The following AKNAD1 variants were observed in gnomAD, a reference collection of about 807,000 sequenced individuals.
The protein encoded by AKNAD1 is protein AKNAD1.
AKNAD1 carries 67 observed loss-of-function variants against 90.8 expected under a neutral mutation model. The ratio of observed to expected loss-of-function variants is 0.74; its 90% CI spans 0.61 to 0.90. AKNAD1 has a LOEUF of 0.90. Among genes scored for constraint, AKNAD1 ranks in the 40% least tolerant of loss-of-function variants. The pLI is 0.00. For synonymous variants in AKNAD1, 327 were observed against 341.4 expected (o/e 0.96, Z 0.46); for missense variants, 957 against 975.4 (o/e 0.98, Z 0.25).
chr1:108,851,711 C>T lies in AKNAD1; in HGVS notation c.954G>A (p.Glu318=). 6.2e-7 allele frequency: 1 copy of T among 1,602,532 alleles called. No individual in the cohort carries two copies. Among genetic ancestry groups the T allele is most frequent in the Non-Finnish European group, 8.5e-7 (1 of 1,176,434 alleles). Reference sequence around the variant, plus strand: ...AAGGTTCAGTGATTTTCCCTTTCTGCTCTTGATGTTGTTTTTCAACACAGT... The same window carrying T: ...AAGGTTCAGTGATTTTCCCTTTCTGTTCTTGATGTTGTTTTTCAACACAGT... ...ESNCVEKQHQ[E]QKGKITEPSQ... Residue 318 remains glutamate, a synonymous_variant, in exon 2 of 16, where the codon GAG becomes GAA. Coordinates refer to ENST00000370001, the MANE Select transcript of AKNAD1 (RefSeq NM_152763.5).
chr1:108,828,231 C>T (rs1664074430), intron 10 of AKNAD1, among the ~76,000 whole-genome samples: 1 of 151,692 alleles, frequency 6.6e-6, no homozygotes, highest in Admixed American at 6.6e-5. Context: ...TGGGCTTTGC[C>T]GGGTGTCTGT....
chr1:108,818,190 G>A (rs549426295), intron 14 of AKNAD1, among the ~76,000 whole-genome samples: 1 of 152,172 alleles, frequency 6.6e-6, no homozygotes, highest in South Asian at 2.1e-4. Context: ...TGTTGACTGA[G>A]CAGTCATAGA....
At chr1:108,845,507 C>G (rs1405893692) in intron 5 of AKNAD1, among the ~76,000 whole-genome samples, 1 of 152,234 alleles carries the variant, frequency 6.6e-6, no homozygotes. Flanking sequence ...GAGCTCCCCA[C>G]GGGTCCTTCC....
At chr1:108,844,832 A>G (rs371658377) in intron 5 of AKNAD1, among the ~76,000 whole-genome samples, 1 of 122,456 alleles carries the variant, frequency 8.2e-6, no homozygotes, top group African/African-American at 3.7e-5. Flanking sequence ...TTTTTTTTTT[A>G]ATTTAAGACA....
At chr1:108,822,349 G>A (rs1663842420) in intron 13 of AKNAD1, among the ~76,000 whole-genome samples, 1 of 152,186 alleles carries the variant, frequency 6.6e-6, no homozygotes, top group African/African-American at 2.4e-5. Flanking sequence ...GTTAGCTAAT[G>A]GAGTTCAAGA....
intron 7 of AKNAD1, chr1:108,837,323 T>C (rs953714352): frequency 3.1e-5 from 14 of 453,880 alleles, no homozygotes; most frequent in South Asian, 5.4e-5. Context: ...TTAAACAGCA[T>C]TGTTACATCC....
intron 5 of AKNAD1, among the ~76,000 whole-genome samples, chr1:108,845,861 T>C (rs545304990): frequency 2.6e-5 from 4 of 152,092 alleles, no homozygotes; most frequent in Non-Finnish European, 5.9e-5. Context: ...GACAAGTCAC[T>C]TACGAACTGG....
intron 9 of AKNAD1, among the ~76,000 whole-genome samples, chr1:108,832,227 T>G (rs111406866): frequency 3.7e-4 from 54 of 147,914 alleles, no homozygotes; most frequent in African/African-American, 1.2e-3. Context: ...TTTTTTTTTT[T>G]TTTTTTGAGA....
intron 6 of AKNAD1, among the ~76,000 whole-genome samples, chr1:108,840,651 A>G (rs1185527851): frequency 1.3e-5 from 2 of 152,210 alleles, no homozygotes; most frequent in Non-Finnish European, 2.9e-5. Flanking sequence ...AGACACATAG[A>G]TCAATGGGAT....
intron 8 of AKNAD1, 65 bp from the exon 9 acceptor site, chr1:108,834,593 C>A: frequency 1.4e-6 from 2 of 1,437,720 alleles, no homozygotes; most frequent in Non-Finnish European, 1.9e-6. Context: ...CTGGGAGCTC[C>A]ACTATTTGGA....
intron 11 of AKNAD1, among the ~76,000 whole-genome samples, chr1:108,826,560 C>G (rs888312581): frequency 6.6e-6 from 1 of 151,508 alleles, no homozygotes; most frequent in African/African-American, 2.4e-5. Context: ...CTCACGTAGC[C>G]AGTAACCTTA....
Position 108,852,746 on chromosome 1 carries a change from A to C in AKNAD1, c.-82T>G. On this transcript the variant is annotated 5_prime_UTR_variant, in exon 2 of 16. Transcript: ENST00000370001. Reference sequence around the variant, plus strand: ...GTAACAATAGCTCTGGTTCTCACTGACTGTCTTCACTGTGTGCTATTCTGT... The same window carrying C: ...GTAACAATAGCTCTGGTTCTCACTGCCTGTCTTCACTGTGTGCTATTCTGT... 4 of 1,297,222 alleles carry C rather than the reference A, an allele frequency of 3.1e-6. No homozygotes were observed. The highest frequency in any genetic ancestry group is 4.2e-6 in the Non-Finnish European group (4 of 950,142). 80.4% of individuals were successfully genotyped at this position (1,297,222 alleles called of 1,614,324 possible).
chr1:108,850,262 A>T (rs1350873144), intron 2 of AKNAD1, among the ~76,000 whole-genome samples: 1 of 152,242 alleles, frequency 6.6e-6, no homozygotes, highest in African/African-American at 2.4e-5. Flanking sequence ...CTTTCTAGAC[A>T]TCTCAACTAT....
At chr1:108,828,667 G>T (rs979277417) in intron 10 of AKNAD1, among the ~76,000 whole-genome samples, 1 of 151,674 alleles carries the variant, frequency 6.6e-6, no homozygotes. Context: ...GAGAAGCCAG[G>T]CTCTTTCCCT....
At chr1:108,841,520 T>G (rs1664552668) in intron 6 of AKNAD1, among the ~76,000 whole-genome samples, 5 of 152,196 alleles carry the variant, frequency 3.3e-5, no homozygotes. Flanking sequence ...ACAAGCAAGA[T>G]GCATGAAATC....
At chr1:108,846,575 T>TC (rs1362616682) in intron 5 of AKNAD1, among the ~76,000 whole-genome samples, 1 of 151,932 alleles carries the variant, frequency 6.6e-6, no homozygotes, top group South Asian at 2.1e-4. Context: ...TTGGGCCCAC[T>TC]CCCCTCTCCT....
At position 108,852,786 on chromosome 1, in the gene AKNAD1, G is replaced by A; in HGVS notation, c.-103-19C>T. ...TGCTATTCTGTGTGAAATGAGAACAGCCTCATTGTTAAATATATTGGAATA... is the reference window on the plus strand; with the variant it reads ...TGCTATTCTGTGTGAAATGAGAACAACCTCATTGTTAAATATATTGGAATA... On this transcript the variant is annotated intron_variant, in intron 1 of 15. Transcript: ENST00000370001. 1.2e-6 allele frequency: 1 copy of A among 828,176 alleles called. No individual in the cohort carries two copies. The highest frequency in any genetic ancestry group is 1.7e-5 in the African/African-American group (1 of 59,148). 51.3% of individuals were successfully genotyped at this position (828,176 alleles called of 1,614,324 possible).
intron 9 of AKNAD1, among the ~76,000 whole-genome samples, chr1:108,833,268 A>C (rs959524530): frequency 6.6e-6 from 1 of 152,148 alleles, no homozygotes; most frequent in Non-Finnish European, 1.5e-5. Flanking sequence ...AGAAAAAAAG[A>C]CTGGAAGGAT....
chr1:108,856,525 C>A (rs1477579833), intron 1 of AKNAD1, among the ~76,000 whole-genome samples: 1 of 150,960 alleles, frequency 6.6e-6, no homozygotes, highest in Non-Finnish European at 1.5e-5. Context: ...CAAAGCAAGA[C>A]CCTGTCTCTA....
Sources: gnomAD v4.1 joint callset for allele counts (sites outside exome capture counted in the v4.1 genomes callset) on GRCh38, gnomAD v4.1.1 for gene constraint, MANE v1.5 for transcripts, NCBI Gene and HGNC (gene_info 2026-07-23, HGNC 2026-07-21) for gene names.